The following PRKCH variants were observed in gnomAD, a reference collection of about 807,000 sequenced individuals.
PRKCH encodes protein kinase C eta type.
A neutral mutation model predicts 82.5 loss-of-function variants in PRKCH; 28 were observed. That is an observed-to-expected ratio of 0.34 (90% confidence interval 0.25 to 0.47). The LOEUF (loss-of-function observed/expected upper bound fraction) is 0.47. Ranked by LOEUF, PRKCH falls within the 20% of genes least tolerant of loss-of-function variation. PRKCH has a pLI of 1.00. For synonymous variants in PRKCH, 322 were observed against 327.4 expected, an observed-to-expected ratio of 0.98 and a Z score of 0.18; for missense variants, 705 against 881.8, an observed-to-expected ratio of 0.80 and a Z score of 2.54.
chr14:61,530,638 C>T, intron 12 of PRKCH, 43 bp downstream of exon 12: 9 of 1,531,396 alleles, frequency 5.9e-6, no homozygotes, highest in Non-Finnish European at 8.0e-6. Flanking sequence ...TATTGCAAAC[C>T]AGCTTGTTTC....
At chr14:61,412,894 C>T (rs1366888552) in intron 2 of PRKCH, among the ~76,000 whole-genome samples, 1 of 152,134 alleles carries the variant, frequency 6.6e-6, no homozygotes, top group Non-Finnish European at 1.5e-5. Flanking sequence ...GCCAGGGAAC[C>T]TCTCTTCCTA....
At chr14:61,268,699 T>A (rs1249018443) in intron 1 of PRKCH, among the ~76,000 whole-genome samples, 2 of 152,188 alleles carry the variant, frequency 1.3e-5, no homozygotes, top group Non-Finnish European at 2.9e-5. Context: ...TTTCTTAGGT[T>A]CAATATCAAC....
intron 9 of PRKCH, among the ~76,000 whole-genome samples, chr14:61,462,359 C>T (rs1885064139): frequency 6.6e-6 from 1 of 151,986 alleles, no homozygotes. Context: ...CATTGCACTC[C>T]AACCTGGGTG....
intron 10 of PRKCH, among the ~76,000 whole-genome samples, chr14:61,523,868 T>C (rs2042934470): frequency 6.6e-6 from 1 of 152,230 alleles, no homozygotes; most frequent in Non-Finnish European, 1.5e-5. Flanking sequence ...ATCCTGGATT[T>C]GTTTCAAAAT....
At chr14:61,315,341 A>G (rs1168027996) in intron 1 of PRKCH, among the ~76,000 whole-genome samples, 1 of 152,126 alleles carries the variant, frequency 6.6e-6, no homozygotes, top group East Asian at 1.9e-4. Context: ...AAATTCGTCA[A>G]ATCTCAGCTC....
intron 2 of PRKCH, among the ~76,000 whole-genome samples, chr14:61,398,657 G>T (rs1485004230): frequency 6.6e-6 from 1 of 152,148 alleles, no homozygotes; most frequent in Non-Finnish European, 1.5e-5. Context: ...TCAAGCCTTA[G>T]ACCAGTCAGG....
At chr14:61,282,998 C>T (rs2045285151) in intron 1 of PRKCH, among the ~76,000 whole-genome samples, 1 of 151,802 alleles carries the variant, frequency 6.6e-6, no homozygotes, top group Non-Finnish European at 1.5e-5. Flanking sequence ...CCACAAAACT[C>T]GTCTCTAGGA....
intron 1 of PRKCH, among the ~76,000 whole-genome samples, chr14:61,339,524 C>T (rs2045903584): frequency 6.7e-6 from 1 of 149,460 alleles, no homozygotes; most frequent in South Asian, 2.1e-4. Context: ...GGGGTTTCAC[C>T]TTGTTAGCCA....
At chr14:61,199,551 T>C (rs1204697311) in intron 1 of PRKCH, among the ~76,000 whole-genome samples, 1 of 152,208 alleles carries the variant, frequency 6.6e-6, no homozygotes, top group Middle Eastern at 3.2e-3. Context: ...GTGAATGTTA[T>C]GGATTTATGG....
At chr14:61,298,374 C>G (rs1312726495) in intron 1 of PRKCH, 1 of 152,182 alleles carries the variant, frequency 6.6e-6, no homozygotes, top group Non-Finnish European at 1.5e-5. Flanking sequence ...CAGGGAATGC[C>G]GCCGTCATCA....
At chr14:61,529,333 G>A in intron 11 of PRKCH, 120 bp downstream of exon 11, 1 of 1,245,214 alleles carries the variant, frequency 8.0e-7, no homozygotes, top group South Asian at 1.6e-5. Context: ...GGTGTCTAGA[G>A]CCGACACCTC....
chr14:61,191,887 C>T (rs2044408922), intron 1 of PRKCH, among the ~76,000 whole-genome samples: 1 of 152,170 alleles, frequency 6.6e-6, no homozygotes. Context: ...CCTTAGTTTA[C>T]AAGCTCATAC....
intron 1 of PRKCH, among the ~76,000 whole-genome samples, chr14:61,210,318 AAAAT>A (rs1186785328): frequency 6.6e-6 from 1 of 151,158 alleles, no homozygotes; most frequent in African/African-American, 2.4e-5. Context: ...GGTCTCAGAA[AAAAT>A]AAATAAATAA....
At chr14:61,200,847 A>G (rs2044475998) in intron 1 of PRKCH, among the ~76,000 whole-genome samples, 1 of 152,204 alleles carries the variant, frequency 6.6e-6, no homozygotes, top group Non-Finnish European at 1.5e-5. Context: ...GTATGTATGT[A>G]CAGGAGAAAA....
At chr14:61,256,910 G>T (rs1260631757) in intron 1 of PRKCH, among the ~76,000 whole-genome samples, 1 of 152,052 alleles carries the variant, frequency 6.6e-6, no homozygotes, top group Non-Finnish European at 1.5e-5. Context: ...TTGAGCTGAT[G>T]GTCTCCAATC....
At chr14:61,405,661 C>T (rs985344409) in intron 2 of PRKCH, among the ~76,000 whole-genome samples, 4 of 152,118 alleles carry the variant, frequency 2.6e-5, no homozygotes, top group South Asian at 2.1e-4. Flanking sequence ...TATAGGTGAG[C>T]GCCACCATGC....
At chr14:61,266,310 C>T (rs947589750) in intron 1 of PRKCH, among the ~76,000 whole-genome samples, 6 of 151,658 alleles carry the variant, frequency 4.0e-5, no homozygotes, top group East Asian at 1.9e-4. Context: ...TCCAGCTACT[C>T]GGGAGGCTGA....
At chr14:61,436,029 T>A (rs1293572271) in intron 2 of PRKCH, among the ~76,000 whole-genome samples, 1 of 152,126 alleles carries the variant, frequency 6.6e-6, no homozygotes, top group Non-Finnish European at 1.5e-5. Context: ...AAGATGATGA[T>A]GAGTGGAAAA....
chr14:61,189,032 G>C (rs1185235087), intron 1 of PRKCH, among the ~76,000 whole-genome samples: 1 of 152,052 alleles, frequency 6.6e-6, no homozygotes, highest in Non-Finnish European at 1.5e-5. Flanking sequence ...TGCTGTATTT[G>C]AACAGAAAAA....
Sources: allele counts gnomAD v4.1 joint callset (sites outside exome capture counted in the v4.1 genomes callset), GRCh38; gene constraint gnomAD v4.1.1; transcripts MANE v1.5; gene names NCBI Gene and HGNC (gene_info 2026-07-23, HGNC 2026-07-21).